Variants in ZNF607 observed in about 807,000 individuals in gnomAD.
ZNF607 encodes zinc finger protein 607.
ZNF607 carries 5 observed loss-of-function variants against 12.8 expected under a neutral mutation model. The ratio of observed to expected loss-of-function variants is 0.39; its 90% CI spans 0.20 to 0.82. The LOEUF (loss-of-function observed/expected upper bound fraction) is 0.82. ZNF607 is among the 40% of genes least tolerant of loss of function. ZNF607 has a pLI of 0.39. For synonymous variants in ZNF607, 287 were observed against 276.2 expected, an observed-to-expected ratio of 1.04 and a Z score of -0.39; for missense variants, 851 against 859.2, an observed-to-expected ratio of 0.99 and a Z score of 0.12.
chr19:37,697,855 T>C lies in ZNF607; in HGVS notation c.*185A>G. On this transcript the variant is annotated 3_prime_UTR_variant, in exon 5 of 5. Coordinates refer to ENST00000355202, the MANE Select transcript of ZNF607 (RefSeq NM_032689.5). ...TCTGAATCTGAGTTAACACAGGTCA[T>C]ACCAAAGAAACTGCATATATGATTT... 1.8e-6 allele frequency: 1 copy of C among 541,364 alleles called. No homozygotes were observed. The highest frequency in any genetic ancestry group is 3.1e-5 in the South Asian group (1 of 32,320). 33.5% of individuals were successfully genotyped at this position (541,364 alleles called of 1,614,324 possible).
Position 37,697,005 on chromosome 19 carries a change from C to A in ZNF607, c.*1035G>T. The stretch of plus-strand genomic sequence containing the variant: ...GGTGATTAGTTCTCCAGCATCAAAG[C>A]GAGCCACCAGTGACTTGAGGATCTC... On this transcript the variant is annotated 3_prime_UTR_variant, in exon 5 of 5. Transcript: ENST00000355202. 1.4e-6 allele frequency: 1 copy of A among 715,442 alleles called. No homozygotes were observed. The allele number at this position is 715,442 out of a possible 1,614,324, so 44.3% of individuals were successfully genotyped here. A position where few individuals can be genotyped will look rare whatever the true frequency, so the allele number is the denominator to read the frequency against.
intron 3 of ZNF607, 111 bp downstream of exon 3, chr19:37,709,585 T>G (rs1375741746): frequency 8.8e-6 from 11 of 1,253,266 alleles, no homozygotes; most frequent in Non-Finnish European, 1.2e-5. Context: ...ATAGAGAAAA[T>G]AAATTTAGTT....
intron 2 of ZNF607, among the ~76,000 whole-genome samples, chr19:37,710,190 C>T (rs2045121200): frequency 6.6e-6 from 1 of 150,724 alleles, no homozygotes; most frequent in African/African-American, 2.4e-5. Flanking sequence ...GATGGCCGGG[C>T]GCGGTGGCTC....
At chr19:37,717,806 CAAAAAAAAAAA>C (rs57152044) in intron 1 of ZNF607, among the ~76,000 whole-genome samples, 1 of 67,096 alleles carries the variant, frequency 1.5e-5, no homozygotes, top group Non-Finnish European at 2.6e-5. Context: ...AACTCAGTCT[CAAAAAAAAAAA>C]AAAAAAAAAA....
rs749894642 is a variant in ZNF607, at chr19:37,698,583, T to C, written c.1548A>G (p.Val516=). Residue 516 remains valine (V), a synonymous_variant, in exon 5 of 5, where the codon GTA becomes GTG. Transcript: ENST00000355202. ...TCAGATGCTGAGTAAGTTGTCCAGA[T>C]ACACTAAAGGCCTTCCCACATTCCT... ...ECKECGKAFS[V]SGQLTQHLSI... 6.2e-6 allele frequency: 10 copies of C among 1,613,486 alleles called. No homozygotes were observed. The highest frequency in any genetic ancestry group is 7.6e-6 in the Non-Finnish European group (9 of 1,179,872).
intron 3 of ZNF607, among the ~76,000 whole-genome samples, chr19:37,709,445 C>T (rs2045112977): frequency 1.3e-5 from 2 of 152,162 alleles, no homozygotes; most frequent in Admixed American, 6.5e-5. Flanking sequence ...GTTCAACCCA[C>T]TTACTGGGTT....
At chr19:37,713,019 C>T (rs1432181908) in intron 1 of ZNF607, among the ~76,000 whole-genome samples, 1 of 151,828 alleles carries the variant, frequency 6.6e-6, no homozygotes, top group East Asian at 1.9e-4. Context: ...TATTTCGTTC[C>T]TAAATCTGGC....
At chr19:37,715,353 G>A (rs1309359486) in intron 1 of ZNF607, among the ~76,000 whole-genome samples, 1 of 149,982 alleles carries the variant, frequency 6.7e-6, no homozygotes, top group Non-Finnish European at 1.5e-5. Context: ...GGTGGCTCAC[G>A]CCTGTAATCC....
rs775779908 is a variant in ZNF607 at position 37,699,070 on chromosome 19, G to A, written c.1061C>T (p.Ala354Val). 14 of 1,613,984 alleles carry A rather than the reference G, an allele frequency of 8.7e-6. No individual in the cohort carries two copies. The highest frequency in any genetic ancestry group is 2.2e-5 in the South Asian group (2 of 91,072). The change falls in exon 5 of 5, where the codon GCA (alanine) becomes GTA (valine). Residue 354 changes from alanine (A) to valine (V), a missense_variant. Ala to Val is a moderately conservative substitution (Grantham distance 64). Coordinates refer to ENST00000355202, the MANE Select transcript of ZNF607 (RefSeq NM_032689.5). ...CTCAACACTTTCAAATGTATGAGGT[G>A]CAGTAAGTTGATGGCCACTACTAAA... Reference protein sequence around the residue: ...EAFSSGHQLTAPHTFESVEKP... With the variant: ...EAFSSGHQLTVPHTFESVEKP...
rs1447492123 is a variant in ZNF607, at chr19:37,697,808, T to TA, written c.*231dup. The TA allele has an allele frequency of 7.5e-6, 3 of 400,576 alleles. No homozygotes were observed. The highest frequency in any genetic ancestry group is 1.3e-5 in the Non-Finnish European group (3 of 227,818). The allele number at this position is 400,576 out of a possible 1,614,324, so 24.8% of individuals were successfully genotyped here. A position where few individuals can be genotyped will look rare whatever the true frequency, so the allele number is the denominator to read the frequency against. On this transcript the variant is annotated 3_prime_UTR_variant, in exon 5 of 5. Coordinates refer to ENST00000355202, the MANE Select transcript of ZNF607 (RefSeq NM_032689.5). ...TATCAGAAAAGTTTTCTTATGTTATTAAAAAAATACATTATAAATTCTCTG... is the reference window on the plus strand; with the variant it reads ...TATCAGAAAAGTTTTCTTATGTTATTAAAAAAAATACATTATAAATTCTCTG...
At chr19:37,708,149 G>T in intron 3 of ZNF607, 137 bp from the exon 4 acceptor site, 1 of 629,756 alleles carries the variant, frequency 1.6e-6, no homozygotes. Context: ...TAAAGAAAAA[G>T]ATCACCCAGG....
chr19:37,715,324 G>GT (rs1006135313), intron 1 of ZNF607, among the ~76,000 whole-genome samples: 4 of 148,446 alleles, frequency 2.7e-5, no homozygotes, highest in Admixed American at 6.7e-5. Context: ...AAAAAATTAG[G>GT]TTTTTTTTGG....
At chr19:37,710,835 T>C (rs1338000751) in intron 2 of ZNF607, among the ~76,000 whole-genome samples, 5 of 152,224 alleles carry the variant, frequency 3.3e-5, no homozygotes, top group Non-Finnish European at 5.9e-5. Context: ...AATCAAGAGA[T>C]GTTTTATGCA....
chr19:37,704,899 C>T (rs927765048), intron 4 of ZNF607, among the ~76,000 whole-genome samples: 5 of 151,876 alleles, frequency 3.3e-5, no homozygotes, highest in Non-Finnish European at 7.4e-5. Context: ...TGCAGTGAGC[C>T]GAGATTGCGC....
At chr19:37,714,342 AGC>A (rs1163911438) in intron 1 of ZNF607, among the ~76,000 whole-genome samples, 1,901 of 144,370 alleles carry the variant, frequency 0.013, 45 homozygotes, top group African/African-American at 0.048. Flanking sequence ...CAACAACAAC[AGC>A]AGCAGCAGCA....
chr19:37,707,851 T>C, intron 4 of ZNF607, 63 bp downstream of exon 4: 1 of 1,274,694 alleles, frequency 7.8e-7, no homozygotes, highest in South Asian at 1.3e-5. Flanking sequence ...CCAAATGAGA[T>C]GACCACTTCC....
At chr19:37,715,612 A>G (rs1323934027) in intron 1 of ZNF607, among the ~76,000 whole-genome samples, 1 of 151,992 alleles carries the variant, frequency 6.6e-6, no homozygotes, top group African/African-American at 2.4e-5. Flanking sequence ...CTAAAAAAAA[A>G]AAAAAAGATG....
intron 4 of ZNF607, among the ~76,000 whole-genome samples, chr19:37,704,595 A>C (rs1269393849): frequency 6.6e-6 from 1 of 152,212 alleles, no homozygotes; most frequent in Admixed American, 6.5e-5. Flanking sequence ...ACTTTTATGG[A>C]ATACTAACTA....
Position 37,698,705 on chromosome 19 carries a change from G to A in ZNF607, c.1426C>T (p.Pro476Ser), listed in dbSNP as rs781664443. The A allele has an allele frequency of 1.9e-6, 3 of 1,613,240 alleles. No homozygotes were observed. Among genetic ancestry groups the A allele is most frequent in the Admixed American group, 3.3e-5 (2 of 59,922 alleles). The change falls in exon 5 of 5, where the codon CCC (proline) becomes TCC (serine). Residue 476 changes from proline (P) to serine (S), a missense_variant. By Grantham distance (74) the Pro-to-Ser change is moderately conservative (BLOSUM62 -1). Transcript: ENST00000355202. ...TTCCCACACTCTTGACATACATAGG[G>A]TTTCTCTCCTGTATGAATTCTCTCA... Reference protein sequence around the residue: ...IHERIHTGEKPYVCQECGKGF... With the variant: ...IHERIHTGEKSYVCQECGKGF...
Sources: gnomAD v4.1 joint callset for allele counts (sites outside exome capture counted in the v4.1 genomes callset) on GRCh38, gnomAD v4.1.1 for gene constraint, MANE v1.5 for transcripts, NCBI Gene and HGNC (gene_info 2026-07-23, HGNC 2026-07-21) for gene names.